NR2C2: variants seen among roughly 807,000 people sequenced by gnomAD.
The protein encoded by NR2C2 is Nuclear hormone receptor TR4.
NR2C2 carries 6 observed loss-of-function variants against 62.9 expected under a neutral mutation model. That is an observed-to-expected ratio of 0.10 (90% confidence interval 0.05 to 0.19). NR2C2 has a LOEUF of 0.19. NR2C2 is among the 10% of genes least tolerant of loss of function. The pLI is 1.00. For missense variants in NR2C2, 479 were observed against 762.7 expected (o/e 0.63, Z 4.38); for synonymous variants, 272 against 273.8 (o/e 0.99, Z 0.07).
chr3:15,014,395 A>G (rs1028444559), intron 3 of NR2C2, among the ~76,000 whole-genome samples: 1 of 152,120 alleles, frequency 6.6e-6, no homozygotes, highest in Non-Finnish European at 1.5e-5. Context: ...AAACCCAACA[A>G]TTAGAGAACA....
intron 1 of NR2C2, among the ~76,000 whole-genome samples, chr3:14,966,900 A>C (rs114501716): frequency 0.011 from 1,667 of 152,244 alleles, 30 homozygotes; most frequent in African/African-American, 0.037. Context: ...AAGCTGTGTG[A>C]CCTCTCTGTT....
intron 1 of NR2C2, among the ~76,000 whole-genome samples, chr3:14,975,144 G>A (rs2040167103): frequency 6.6e-6 from 1 of 152,106 alleles, no homozygotes; most frequent in Non-Finnish European, 1.5e-5. Context: ...CTTTAGAGTT[G>A]TACATATAAG....
rs1431181238 is a variant in NR2C2 at position 14,987,604 on chromosome 3, T to TA, written c.-39-16270dup. ...TTCCACCTCTACCTCTGTCACTTCT[T>TA]AATCTCCTTACTCGTACTTGTCTTC... On this transcript the variant is annotated intron_variant, in intron 1 of 13. Transcript: ENST00000425241. 3.9e-5 allele frequency among the ~76,000 whole-genome samples: 6 copies of TA among 152,216 alleles called. No individual in the cohort carries two copies. The South Asian group carries it at 8.3e-4, about 21-fold the overall frequency.
intron 3 of NR2C2, among the ~76,000 whole-genome samples, chr3:15,014,210 G>A (rs995240822): frequency 3.3e-5 from 5 of 152,128 alleles, no homozygotes; most frequent in Non-Finnish European, 7.3e-5. Flanking sequence ...GTCTTTACTT[G>A]CCACTGTGTA....
chr3:14,949,132 A>G (rs1373428568), intron 1 of NR2C2, among the ~76,000 whole-genome samples: 1 of 152,230 alleles, frequency 6.6e-6, no homozygotes, highest in African/African-American at 2.4e-5. Flanking sequence ...CTGGGGACAC[A>G]TCTGGAGAAC....
At chr3:14,956,057 C>T (rs1006912496) in intron 1 of NR2C2, among the ~76,000 whole-genome samples, 1 of 152,154 alleles carries the variant, frequency 6.6e-6, no homozygotes, top group African/African-American at 2.4e-5. Context: ...AAGGAAATTA[C>T]CTGACCCTAA....
intron 1 of NR2C2, among the ~76,000 whole-genome samples, chr3:14,981,940 G>T (rs2040382228): frequency 1.3e-5 from 2 of 152,212 alleles, no homozygotes; most frequent in Admixed American, 1.3e-4. Context: ...TGGGCTGGCA[G>T]CTAACTAGAT....
chr3:15,029,842 T>TAG lies in NR2C2; in HGVS notation c.933-432_933-431insGA, dbSNP rs748604063. On this transcript the variant is annotated intron_variant, in intron 8 of 13. Coordinates refer to ENST00000425241, the MANE Select transcript of NR2C2 (RefSeq NM_001291694.2). ...ATAGATAGATAGATAGATAGATAGA[T>TAG]ATAGATAGACCCCATCTCTGAAAGA... Among the ~76,000 whole-genome samples the TAG allele has an allele frequency of 3.3e-3, 374 of 112,528 alleles. 3 individuals are homozygous for TAG. The highest frequency in any genetic ancestry group is 0.014 in the African/African-American group (344 of 24,974). 73.8% of individuals were successfully genotyped at this position (112,528 alleles called of 152,430 possible).
At chr3:14,953,685 G>T (rs542640806) in intron 1 of NR2C2, among the ~76,000 whole-genome samples, 3 of 152,178 alleles carry the variant, frequency 2.0e-5, no homozygotes, top group Non-Finnish European at 4.4e-5. Flanking sequence ...CATGAGGTCA[G>T]GAGTTCAAGA....
intron 4 of NR2C2, among the ~76,000 whole-genome samples, chr3:15,017,801 C>G (rs2041552910): frequency 6.6e-6 from 1 of 152,176 alleles, no homozygotes; most frequent in Non-Finnish European, 1.5e-5. Context: ...CATACTAGAG[C>G]TTAGAACAGT....
At position 15,020,818 on chromosome 3, in the gene NR2C2, A is replaced by G; in HGVS notation, c.442A>G (p.Asn148Asp). The G allele has an allele frequency of 6.2e-7, 1 of 1,614,108 alleles. No homozygotes were observed. Among genetic ancestry groups the G allele is most frequent in the Admixed American group, 1.7e-5 (1 of 60,020 alleles). Residue 148 changes from asparagine (N) to aspartate (D), a missense_variant, in exon 5 of 14, where the codon AAT becomes GAT. Coordinates refer to ENST00000425241, the MANE Select transcript of NR2C2 (RefSeq NM_001291694.2). Reference sequence around the variant, plus strand: ...TTTCTTCAAAAGGAGTGTGAGGAAAAATTTGACCTACAGCTGCCGGAGCAA... The same window carrying G: ...TTTCTTCAAAAGGAGTGTGAGGAAAGATTTGACCTACAGCTGCCGGAGCAA... ...KGFFKRSVRK[N>D]LTYSCRSNQD...
At chr3:14,956,546 T>C (rs764379630) in intron 1 of NR2C2, among the ~76,000 whole-genome samples, 13 of 152,210 alleles carry the variant, frequency 8.5e-5, no homozygotes, top group Non-Finnish European at 1.8e-4. Flanking sequence ...TTTTTTATTA[T>C]TTATTTATTT....
At chr3:14,949,877 T>A (rs542395825) in intron 1 of NR2C2, among the ~76,000 whole-genome samples, 6 of 152,366 alleles carry the variant, frequency 3.9e-5, no homozygotes, top group African/African-American at 1.4e-4. Context: ...TAGAGATATT[T>A]ATACACATAC....
chr3:15,020,680 C>G, intron 4 of NR2C2, 73 bp from the exon 5 acceptor site: 1 of 1,541,296 alleles, frequency 6.5e-7, no homozygotes, highest in Non-Finnish European at 8.9e-7. Flanking sequence ...TGCACAGGAA[C>G]TGACAGATCA....
At chr3:15,031,722 C>A (rs1220465899) in intron 9 of NR2C2, among the ~76,000 whole-genome samples, 1 of 151,822 alleles carries the variant, frequency 6.6e-6, no homozygotes, top group Non-Finnish European at 1.5e-5. Flanking sequence ...ATGAAGTTGG[C>A]CCCTGTTACC....
intron 13 of NR2C2, among the ~76,000 whole-genome samples, chr3:15,040,489 C>T (rs1427502369): frequency 1.3e-5 from 2 of 152,242 alleles, no homozygotes; most frequent in Non-Finnish European, 2.9e-5. Context: ...CCCCATGGAA[C>T]ACAGATGCCC....
intron 1 of NR2C2, among the ~76,000 whole-genome samples, chr3:14,952,971 A>G (rs1432349071): frequency 6.6e-6 from 1 of 152,248 alleles, no homozygotes; most frequent in African/African-American, 2.4e-5. Flanking sequence ...TGAAAGCCAG[A>G]TCAGGGCATT....
At chr3:14,972,230 A>G (rs1292602508) in intron 1 of NR2C2, among the ~76,000 whole-genome samples, 1 of 135,012 alleles carries the variant, frequency 7.4e-6, no homozygotes, top group East Asian at 2.1e-4. Context: ...GCTGGAGTGC[A>G]GTGGCATCAT....
At chr3:14,961,196 T>C (rs1004557846) in intron 1 of NR2C2, among the ~76,000 whole-genome samples, 2 of 152,198 alleles carry the variant, frequency 1.3e-5, no homozygotes, top group African/African-American at 2.4e-5. Context: ...TTCTTTCTCT[T>C]AGCATTCTGG....
Sources: gnomAD v4.1 joint callset for allele counts (sites outside exome capture counted in the v4.1 genomes callset) on GRCh38, gnomAD v4.1.1 for gene constraint, MANE v1.5 for transcripts, NCBI Gene and HGNC (gene_info 2026-07-23, HGNC 2026-07-21) for gene names.